ERBB4: variants seen among roughly 807,000 people sequenced by gnomAD.
The protein encoded by ERBB4 is receptor tyrosine-protein kinase erbB-4.
A neutral mutation model predicts 158.0 loss-of-function variants in ERBB4; 42 were observed. The ratio of observed to expected loss-of-function variants is 0.27; its 90% CI spans 0.21 to 0.34. The LOEUF is 0.34. ERBB4 is among the 10% of genes least tolerant of loss of function. ERBB4 has a pLI of 1.00. For synonymous variants in ERBB4, 583 were observed against 558.7 expected (o/e 1.04, Z -0.61); for missense variants, 1,333 against 1,624.1 (o/e 0.82, Z 3.08).
At chr2:212,524,259 A>C (rs971655703) in intron 1 of ERBB4, among the ~76,000 whole-genome samples, 1 of 152,144 alleles carries the variant, frequency 6.6e-6, no homozygotes, top group East Asian at 1.9e-4. Context: ...CTTTGTAAAA[A>C]TAAAAGTTTT....
chr2:211,514,037 T>C (rs932331882), intron 20 of ERBB4, among the ~76,000 whole-genome samples: 1 of 152,114 alleles, frequency 6.6e-6, no homozygotes, highest in African/African-American at 2.4e-5. Flanking sequence ...TTGTCAACTA[T>C]AGTTGTCCTA....
intron 1 of ERBB4, among the ~76,000 whole-genome samples, chr2:212,457,210 GT>G (rs1251418546): frequency 1.6e-4 from 24 of 151,906 alleles, no homozygotes; most frequent in African/African-American, 5.8e-4. Context: ...TTGTTTATAT[GT>G]TTTTGCTCTA....
chr2:211,849,912 A>C (rs544267305), intron 3 of ERBB4, among the ~76,000 whole-genome samples: 1 of 151,318 alleles, frequency 6.6e-6, no homozygotes, highest in Non-Finnish European at 1.5e-5. Flanking sequence ...TAAAACCACA[A>C]ATTATTCAAA....
chr2:211,731,416 A>G (rs1191078303), intron 5 of ERBB4, among the ~76,000 whole-genome samples: 4 of 152,116 alleles, frequency 2.6e-5, no homozygotes, highest in African/African-American at 9.7e-5. Context: ...CCAGTTACAT[A>G]CTTGGAGGTT....
chr2:211,643,795 C>T (rs1170872251), intron 16 of ERBB4, among the ~76,000 whole-genome samples: 1 of 151,968 alleles, frequency 6.6e-6, no homozygotes, highest in African/African-American at 2.4e-5. Context: ...TTGTAAGTAA[C>T]ACTAAGTAGA....
chr2:211,451,351 G>A (rs1004085049), intron 20 of ERBB4, among the ~76,000 whole-genome samples: 1 of 152,160 alleles, frequency 6.6e-6, no homozygotes, highest in South Asian at 2.1e-4. Context: ...ATAGTAGTTT[G>A]GACAGGAAAT....
At chr2:212,324,544 A>T (rs1430783727) in intron 1 of ERBB4, among the ~76,000 whole-genome samples, 1 of 149,232 alleles carries the variant, frequency 6.7e-6, no homozygotes, top group Non-Finnish European at 1.5e-5. Context: ...CTGCTACATA[A>T]TAGGAATTCT....
At chr2:212,112,981 A>T (rs546380914) in intron 2 of ERBB4, among the ~76,000 whole-genome samples, 1 of 152,236 alleles carries the variant, frequency 6.6e-6, no homozygotes, top group African/African-American at 2.4e-5. Flanking sequence ...AAAAATGCAC[A>T]GTATATCTCA....
intron 3 of ERBB4, among the ~76,000 whole-genome samples, chr2:211,912,287 A>G (rs1257890965): frequency 3.9e-5 from 6 of 152,158 alleles, no homozygotes; most frequent in Admixed American, 3.9e-4. Context: ...ACAAGCTTCC[A>G]TTTGGAAGAG....
intron 12 of ERBB4, among the ~76,000 whole-genome samples, chr2:211,686,315 C>G (rs564768914): frequency 6.6e-6 from 1 of 152,180 alleles, no homozygotes; most frequent in South Asian, 2.1e-4. Context: ...TAAACAGAAA[C>G]AAGTGTTAAA....
At chr2:211,991,116 G>C (rs2082065338) in intron 2 of ERBB4, among the ~76,000 whole-genome samples, 1 of 151,966 alleles carries the variant, frequency 6.6e-6, no homozygotes, top group South Asian at 2.1e-4. Context: ...TAGGGCTTTT[G>C]TTGTGGATTT....
intron 25 of ERBB4, among the ~76,000 whole-genome samples, chr2:211,408,831 A>G (rs1172308106): frequency 6.6e-6 from 1 of 152,236 alleles, no homozygotes; most frequent in Non-Finnish European, 1.5e-5. Context: ...AAAATGCCAC[A>G]GATGCCAAAA....
chr2:212,082,398 A>G (rs1354419931), intron 2 of ERBB4, among the ~76,000 whole-genome samples: 1 of 152,118 alleles, frequency 6.6e-6, no homozygotes, highest in East Asian at 1.9e-4. Context: ...TGTTAAAATT[A>G]AAGTAATAAA....
intron 20 of ERBB4, among the ~76,000 whole-genome samples, chr2:211,464,775 T>G (rs1243209600): frequency 6.6e-6 from 1 of 152,036 alleles, no homozygotes; most frequent in African/African-American, 2.4e-5. Context: ...ACATTTTAAC[T>G]TGATACAACA....
intron 1 of ERBB4, among the ~76,000 whole-genome samples, chr2:212,413,313 C>G (rs2091558514): frequency 6.6e-6 from 1 of 151,760 alleles, no homozygotes; most frequent in East Asian, 1.9e-4. Flanking sequence ...CAGTGCTTTA[C>G]TGTAGGCAAA....
chr2:212,292,728 G>C (rs1682826797), intron 1 of ERBB4, among the ~76,000 whole-genome samples: 1 of 152,006 alleles, frequency 6.6e-6, no homozygotes, highest in Non-Finnish European at 1.5e-5. Flanking sequence ...ATTATGAATA[G>C]ACAAAAAGAT....
rs987393541 is a variant in ERBB4, at chr2:212,245,661, C to T, written c.83-120758G>A. Among the ~76,000 whole-genome samples the T allele has an allele frequency of 2.6e-5, 4 of 152,066 alleles. No homozygotes were observed. The South Asian group carries it at 6.2e-4, about 24-fold the overall frequency. ...ATGGAAAAACATCCTGAGAATGTCACGAAGGCCTGATATCAACTGCTGTTT... is the reference window on the plus strand; with the variant it reads ...ATGGAAAAACATCCTGAGAATGTCATGAAGGCCTGATATCAACTGCTGTTT... On this transcript the variant is annotated intron_variant, in intron 1 of 27. Coordinates refer to ENST00000342788, the MANE Select transcript of ERBB4 (RefSeq NM_005235.3).
intron 20 of ERBB4, among the ~76,000 whole-genome samples, chr2:211,454,915 T>C (rs1007553782): frequency 1.3e-5 from 2 of 152,252 alleles, no homozygotes; most frequent in African/African-American, 4.8e-5. Context: ...GCCGGCTGGC[T>C]GGCCGGCACA....
At chr2:212,155,818 T>A (rs2081019233) in intron 1 of ERBB4, among the ~76,000 whole-genome samples, 2 of 152,150 alleles carry the variant, frequency 1.3e-5, no homozygotes, top group Non-Finnish European at 2.9e-5. Flanking sequence ...TGCAAAATAT[T>A]ATTGACATTG....
Sources: gnomAD v4.1 joint callset for allele counts (sites outside exome capture counted in the v4.1 genomes callset) on GRCh38, gnomAD v4.1.1 for gene constraint, MANE v1.5 for transcripts, NCBI Gene and HGNC (gene_info 2026-07-23, HGNC 2026-07-21) for gene names.